Variants in CABLES1 observed in about 807,000 individuals in gnomAD.
CABLES1 encodes CDK5 and ABL1 enzyme substrate 1.
A neutral mutation model predicts 57.8 loss-of-function variants in CABLES1; 36 were observed. The observed-to-expected ratio is 0.62, with a 90% CI of 0.48 to 0.82. The LOEUF (loss-of-function observed/expected upper bound fraction) is 0.82, where lower values mean the gene tolerates loss of function less well. Ranked by LOEUF, CABLES1 falls within the 40% of genes least tolerant of loss-of-function variation. The pLI is 0.00. For synonymous variants in CABLES1, 374 were observed against 363.0 expected (o/e 1.03, Z -0.35); for missense variants, 767 against 836.6 (o/e 0.92, Z 1.03).
intron 1 of CABLES1, among the ~76,000 whole-genome samples, chr18:23,163,990 G>A (rs2047023424): frequency 1.3e-5 from 2 of 152,146 alleles, no homozygotes; most frequent in South Asian, 4.2e-4. Flanking sequence ...ACAGGTTATC[G>A]AGCTTATCAA....
intron 5 of CABLES1, 70 bp downstream of exon 5, chr18:23,234,774 G>T: frequency 3.2e-6 from 4 of 1,261,268 alleles, no homozygotes. Flanking sequence ...GAGGAGGGGG[G>T]CAGCCCACAA....
At chr18:23,205,579 C>T (rs2047357324) in intron 3 of CABLES1, among the ~76,000 whole-genome samples, 1 of 152,110 alleles carries the variant, frequency 6.6e-6, no homozygotes, top group Non-Finnish European at 1.5e-5. Context: ...GTCCTAACTC[C>T]CTGTACCTCA....
rs1483427245 is a variant in CABLES1, at chr18:23,260,226, A to G, written c.*2859A>G. 6.6e-6 allele frequency: 1 copy of G among 152,146 alleles called. No individual in the cohort carries two copies. Among genetic ancestry groups the G allele is most frequent in the Non-Finnish European group, 1.5e-5 (1 of 68,044 alleles). The allele number at this position is 152,146 out of a possible 1,614,324, so 9.4% of individuals were successfully genotyped here. On this transcript the variant is annotated 3_prime_UTR_variant, in exon 10 of 10. Transcript: ENST00000256925. The stretch of plus-strand genomic sequence containing the variant: ...GCTAATAAAACCTATTTAAACAGGA[A>G]ATTCATACCAAATGCAAATGGGTTT...
At chr18:23,170,148 G>A (rs1461140424) in intron 1 of CABLES1, among the ~76,000 whole-genome samples, 2 of 152,194 alleles carry the variant, frequency 1.3e-5, no homozygotes, top group South Asian at 2.1e-4. Flanking sequence ...TGTACATATT[G>A]TGTTGGAACC....
chr18:23,160,591 G>A (rs1239206360), intron 1 of CABLES1, among the ~76,000 whole-genome samples: 1 of 152,186 alleles, frequency 6.6e-6, no homozygotes, highest in Non-Finnish European at 1.5e-5. Context: ...CTGGTGGGAG[G>A]TGATCGTGGT....
chr18:23,158,993 G>T (rs2046983713), intron 1 of CABLES1, among the ~76,000 whole-genome samples: 2 of 152,168 alleles, frequency 1.3e-5, no homozygotes, highest in African/African-American at 4.8e-5. Flanking sequence ...TTGAGACAGG[G>T]TATCGTTCAG....
At chr18:23,174,143 C>T (rs1235573447) in intron 1 of CABLES1, among the ~76,000 whole-genome samples, 2 of 152,100 alleles carry the variant, frequency 1.3e-5, no homozygotes, top group Admixed American at 6.5e-5. Context: ...CTGGCAACCA[C>T]GAATCTATTT....
intron 1 of CABLES1, among the ~76,000 whole-genome samples, chr18:23,140,179 G>A (rs940068596): frequency 5.3e-5 from 8 of 152,158 alleles, no homozygotes; most frequent in Admixed American, 1.3e-4. Flanking sequence ...CTGCTCTGGC[G>A]GTGAATGGTG....
chr18:23,215,839 C>T (rs939130918), intron 4 of CABLES1, among the ~76,000 whole-genome samples: 9 of 151,788 alleles, frequency 5.9e-5, no homozygotes, highest in Admixed American at 2.6e-4. Flanking sequence ...CTGCAAGCTC[C>T]GCCTCCCGGG....
intron 4 of CABLES1, among the ~76,000 whole-genome samples, chr18:23,229,897 G>C (rs1461693183): frequency 6.6e-6 from 1 of 152,182 alleles, no homozygotes; most frequent in Non-Finnish European, 1.5e-5. Context: ...TGAAACTGCT[G>C]TTTATGGGGG....
chr18:23,153,648 C>T (rs536091300), intron 1 of CABLES1, among the ~76,000 whole-genome samples: 24 of 152,136 alleles, frequency 1.6e-4, no homozygotes, highest in Non-Finnish European at 3.1e-4. Flanking sequence ...GCAGGAGAAT[C>T]GCTTGAACCC....
At chr18:23,143,245 A>T (rs1444619406) in intron 1 of CABLES1, among the ~76,000 whole-genome samples, 1 of 151,882 alleles carries the variant, frequency 6.6e-6, no homozygotes, top group Non-Finnish European at 1.5e-5. Context: ...GATTCCTGTG[A>T]CTCTGGCAAT....
At chr18:23,141,852 T>C (rs2046859924) in intron 1 of CABLES1, among the ~76,000 whole-genome samples, 1 of 151,896 alleles carries the variant, frequency 6.6e-6, no homozygotes, top group South Asian at 2.1e-4. Flanking sequence ...CGCCGATGCC[T>C]GGACTTTTTT....
rs570362029 is a variant in CABLES1, at chr18:23,143,868, C to T, written c.845+7261C>T. On this transcript the variant is annotated intron_variant, in intron 1 of 9. Coordinates refer to ENST00000256925, the MANE Select transcript of CABLES1 (RefSeq NM_001100619.3). Reference sequence around the variant, plus strand: ...GTCAGAGGGACCCTTCTGAAACCCACATCTGATCCTGCCAGTCTTAAATTC... The same window carrying T: ...GTCAGAGGGACCCTTCTGAAACCCATATCTGATCCTGCCAGTCTTAAATTC... 4.3e-4 allele frequency among the ~76,000 whole-genome samples: 66 copies of T among 152,328 alleles called. 1 individual carries two copies. The South Asian group carries it at 0.013, about 30-fold the overall frequency.
intron 1 of CABLES1, among the ~76,000 whole-genome samples, chr18:23,143,178 A>T (rs138545571): frequency 1.0e-3 from 156 of 152,272 alleles, no homozygotes; most frequent in African/African-American, 3.6e-3. Context: ...CTTTTCTGTC[A>T]TCTAGGGAAG....
chr18:23,156,059 C>T, intron 1 of CABLES1: 1 of 1,345,848 alleles, frequency 7.4e-7, no homozygotes, highest in Non-Finnish European at 1.1e-6. Flanking sequence ...CTCTGAGGCT[C>T]AGCCTGGAAA....
rs531972071 is a variant in CABLES1 at position 23,200,557 on chromosome 18, C to T, written c.1010+6017C>T. On this transcript the variant is annotated intron_variant, in intron 3 of 9. Coordinates refer to ENST00000256925, the MANE Select transcript of CABLES1 (RefSeq NM_001100619.3). The stretch of plus-strand genomic sequence containing the variant: ...GATTACAGGCGTGAGCCACCGTGCC[C>T]GGTCAGGAGAGGGTAGATTTTAATA... Among the ~76,000 whole-genome samples the T allele has an allele frequency of 5.1e-4, 77 of 152,120 alleles. 1 individual carries two copies. Among genetic ancestry groups the T allele is most frequent in the South Asian group, 1.7e-3 (8 of 4,806 alleles).
At chr18:23,205,683 C>T (rs890258392) in intron 3 of CABLES1, among the ~76,000 whole-genome samples, 11 of 152,068 alleles carry the variant, frequency 7.2e-5, no homozygotes, top group African/African-American at 2.4e-4. Context: ...CCAATACGAC[C>T]GATATCCTTA....
intron 6 of CABLES1, among the ~76,000 whole-genome samples, chr18:23,236,891 A>C (rs2047620608): frequency 6.6e-6 from 1 of 152,176 alleles, no homozygotes; most frequent in Non-Finnish European, 1.5e-5. Context: ...AGGGAGATTA[A>C]GACATAATTT....
Sources: allele counts gnomAD v4.1 joint callset (sites outside exome capture counted in the v4.1 genomes callset), GRCh38; gene constraint gnomAD v4.1.1; transcripts MANE v1.5; gene names NCBI Gene and HGNC (gene_info 2026-07-23, HGNC 2026-07-21).